The following ESRRG variants were observed in gnomAD, a reference collection of about 807,000 sequenced individuals.
ESRRG encodes the protein estrogen-related receptor gamma.
ESRRG carries 13 observed loss-of-function variants against 44.0 expected under a neutral mutation model. The observed-to-expected ratio is 0.30, with a 90% CI of 0.19 to 0.47. The LOEUF (loss-of-function observed/expected upper bound fraction) is 0.47. Among genes scored for constraint, ESRRG ranks in the 20% least tolerant of loss-of-function variants. The pLI is 1.00. For missense variants in ESRRG, 395 were observed against 580.6 expected (o/e 0.68, Z 3.29); for synonymous variants, 215 against 214.6 (o/e 1.00, Z -0.02).
intron 2 of ESRRG, among the ~76,000 whole-genome samples, chr1:216,880,424 T>A (rs2096428502): frequency 6.6e-6 from 1 of 151,820 alleles, no homozygotes; most frequent in South Asian, 2.1e-4. Context: ...GATAATTTTG[T>A]CTAGCATTTA....
At chr1:216,635,375 AAAC>A (rs2065082751) in intron 3 of ESRRG, among the ~76,000 whole-genome samples, 2 of 152,208 alleles carry the variant, frequency 1.3e-5, no homozygotes, top group Non-Finnish European at 2.9e-5. Flanking sequence ...AGAGACTTAA[AAAC>A]AACAACTATA....
intron 2 of ESRRG, among the ~76,000 whole-genome samples, chr1:216,675,441 A>C (rs1158831443): frequency 2.0e-5 from 3 of 152,180 alleles, no homozygotes; most frequent in Admixed American, 2.0e-4. Context: ...TTTTGTGAAA[A>C]TATTTAAAAG....
intron 2 of ESRRG, among the ~76,000 whole-genome samples, chr1:216,914,463 T>C (rs911092128): frequency 1.3e-5 from 2 of 152,144 alleles, no homozygotes; most frequent in African/African-American, 4.8e-5. Flanking sequence ...TTTCAAACCA[T>C]CAGTGGCCCT....
rs187103755 is a variant in ESRRG at position 216,663,662 on chromosome 1, G to C, written c.473-12573C>G. ...AAGAAAAACAAAAAAAAGAGACCAA[G>C]AGCAACAACAACAACAACAACAAAA... On this transcript the variant is annotated intron_variant, in intron 2 of 6. Transcript: ENST00000408911. Among the ~76,000 whole-genome samples the C allele has an allele frequency of 2.3e-3, 348 of 151,910 alleles. 3 individuals carry two copies. The highest frequency in any genetic ancestry group is 2.4e-3 in the Non-Finnish European group (166 of 67,940).
chr1:217,033,363 T>G (rs11117754), intron 1 of ESRRG, among the ~76,000 whole-genome samples: 33,339 of 152,164 alleles, frequency 0.22, 3,820 homozygotes, highest in Middle Eastern at 0.3. Context: ...GTTCATACAG[T>G]AGAGATGGCC....
intron 3 of ESRRG, among the ~76,000 whole-genome samples, chr1:216,605,122 A>T (rs2059752617): frequency 6.6e-6 from 1 of 152,188 alleles, no homozygotes; most frequent in Admixed American, 6.5e-5. Context: ...CTTAAGTTAG[A>T]ACTTACTAAA....
At chr1:216,545,667 A>T (rs1355410722) in intron 5 of ESRRG, among the ~76,000 whole-genome samples, 1 of 152,032 alleles carries the variant, frequency 6.6e-6, no homozygotes, top group Non-Finnish European at 1.5e-5. Context: ...GTTTGTTAAA[A>T]TGCATGCTGT....
At chr1:216,623,762 A>G (rs1161297448) in intron 3 of ESRRG, among the ~76,000 whole-genome samples, 1 of 152,192 alleles carries the variant, frequency 6.6e-6, no homozygotes, top group Non-Finnish European at 1.5e-5. Context: ...TGAAAAATAT[A>G]CTGAGGATTT....
chr1:216,873,969 G>A lies in ESRRG; in HGVS notation c.-14+65613C>T, dbSNP rs112110656. On this transcript the variant is annotated intron_variant, in intron 2 of 7. Transcript: ENST00000359162. ...AAGGGGAGTGGGGGAAGAGGGGAGG[G>A]GAGGGGAGGGAGGGAGGGGGAAGGA... is the stretch of plus-strand genomic sequence containing the variant. 1.5e-3 allele frequency among the ~76,000 whole-genome samples: 160 copies of A among 109,722 alleles called. 2 individuals are homozygous for A. Among genetic ancestry groups the A allele is most frequent in the Non-Finnish European group, 2.4e-3 (123 of 50,602 alleles). The allele number at this position is 109,722 out of a possible 152,430, so 72.0% of individuals were successfully genotyped here.
At chr1:216,539,989 T>TA (rs749535337) in intron 5 of ESRRG, among the ~76,000 whole-genome samples, 3 of 151,924 alleles carry the variant, frequency 2.0e-5, no homozygotes, top group Non-Finnish European at 4.4e-5. Context: ...AGTGAAAAAT[T>TA]AAAAAAATCA....
chr1:217,026,595 G>A (rs980621254), intron 1 of ESRRG, among the ~76,000 whole-genome samples: 9 of 152,088 alleles, frequency 5.9e-5, no homozygotes, highest in Non-Finnish European at 8.8e-5. Flanking sequence ...GTGGCTATCC[G>A]CTTGTGGGTA....
chr1:216,730,066 G>A (rs1575843246), intron 2 of ESRRG, among the ~76,000 whole-genome samples: 1 of 152,232 alleles, frequency 6.6e-6, no homozygotes, highest in East Asian at 1.9e-4. Context: ...TACCTAGGTA[G>A]TAGGAAAGCT....
At chr1:217,080,067 C>G (rs990730564) in intron 1 of ESRRG, among the ~76,000 whole-genome samples, 1 of 152,110 alleles carries the variant, frequency 6.6e-6, no homozygotes, top group Non-Finnish European at 1.5e-5. Context: ...GTCAAGTTCT[C>G]TTTAAGATAT....
intron 6 of ESRRG, among the ~76,000 whole-genome samples, chr1:216,510,713 G>A (rs1361878843): frequency 1.3e-5 from 2 of 151,890 alleles, no homozygotes; most frequent in South Asian, 2.1e-4. Flanking sequence ...GTGAAACCCC[G>A]TCTCTACTAA....
chr1:216,536,669 T>C (rs2051064535), intron 5 of ESRRG, among the ~76,000 whole-genome samples: 1 of 152,082 alleles, frequency 6.6e-6, no homozygotes, highest in African/African-American at 2.4e-5. Flanking sequence ...CTTTCTTCAT[T>C]TTTTGGTAAG....
At chr1:216,648,285 T>C (rs1030068664) in intron 3 of ESRRG, among the ~76,000 whole-genome samples, 6 of 152,132 alleles carry the variant, frequency 3.9e-5, no homozygotes, top group African/African-American at 1.4e-4. Context: ...CATTTACTCA[T>C]AACCATCCCA....
intron 5 of ESRRG, among the ~76,000 whole-genome samples, chr1:216,535,187 G>C (rs558702949): frequency 6.6e-6 from 1 of 152,104 alleles, no homozygotes; most frequent in Non-Finnish European, 1.5e-5. Context: ...AGTGAGAGAA[G>C]CTGACTTCAG....
At chr1:217,129,813 A>G (rs1239373259) in intron 1 of ESRRG, among the ~76,000 whole-genome samples, 1 of 152,166 alleles carries the variant, frequency 6.6e-6, no homozygotes, top group Non-Finnish European at 1.5e-5. Context: ...GGGAGGGAAG[A>G]ATGAGGAGTG....
At chr1:217,069,759 C>G (rs2090318875) in intron 1 of ESRRG, among the ~76,000 whole-genome samples, 2 of 152,136 alleles carry the variant, frequency 1.3e-5, no homozygotes, top group Non-Finnish European at 2.9e-5. Context: ...AAGCAGCAGG[C>G]AACTCTCTAG....
Sources: allele counts gnomAD v4.1 joint callset (sites outside exome capture counted in the v4.1 genomes callset), GRCh38; gene constraint gnomAD v4.1.1; transcripts MANE v1.5; gene names NCBI Gene and HGNC (gene_info 2026-07-23, HGNC 2026-07-21).